The following EPHA5 variants were observed in gnomAD, a reference collection of about 807,000 sequenced individuals.
EPHA5 encodes the protein EPH receptor A5.
In EPHA5, 60 loss-of-function variants were observed where a neutral mutation model predicts 105.0. That is an observed-to-expected ratio of 0.57 (90% CI 0.46 to 0.71). The LOEUF (loss-of-function observed/expected upper bound fraction) is 0.71, where lower values mean the gene tolerates loss of function less well. Among genes scored for constraint, EPHA5 ranks in the 30% least tolerant of loss-of-function variants. EPHA5 has a pLI of 0.00. For synonymous variants in EPHA5, 513 were observed against 449.1 expected (o/e 1.14, Z -1.80); for missense variants, 1,218 against 1,274.7 (o/e 0.96, Z 0.68).
chr4:65,416,229 T>C (rs981841899), intron 6 of EPHA5, among the ~76,000 whole-genome samples: 1 of 152,058 alleles, frequency 6.6e-6, no homozygotes, highest in African/African-American at 2.4e-5. Flanking sequence ...ATTTATAATA[T>C]AAACAATTAA....
At chr4:65,663,717 T>C (rs907483230) in intron 1 of EPHA5, among the ~76,000 whole-genome samples, 12 of 152,020 alleles carry the variant, frequency 7.9e-5, no homozygotes, top group African/African-American at 2.9e-4. Flanking sequence ...GTTATTATAA[T>C]AGGAATTTAA....
chr4:65,451,581 C>T lies in EPHA5; in HGVS notation c.1403-31016G>A, dbSNP rs72641044. ...GCAATATAATGTGAGTCAAATATGT[C>T]CTTGAGCAGGGTAAAGCTGTTTTAT... On this transcript the variant is annotated intron_variant, in intron 5 of 16. Transcript: ENST00000613740. Among the ~76,000 whole-genome samples, 498 of 152,152 alleles carry T rather than the reference C, an allele frequency of 3.3e-3. 4 individuals are homozygous for T. Among genetic ancestry groups the T allele is most frequent in the Non-Finnish European group, 5.6e-3 (381 of 67,974 alleles).
Position 65,321,681 on chromosome 4 carries a change from T to A in EPHA5, c.*2433A>T. 4.4e-6 allele frequency: 1 copy of A among 229,252 alleles called. No homozygotes were observed. Among genetic ancestry groups the A allele is most frequent in the East Asian group, 6.2e-5 (1 of 16,152 alleles). 14.2% of individuals were successfully genotyped at this position (229,252 alleles called of 1,614,324 possible). The stretch of plus-strand genomic sequence containing the variant: ...GCAAATAAATTTGATCCAAATTAAT[T>A]TATATTCTTCCTTTGTTAAAAAGAG... On this transcript the variant is annotated 3_prime_UTR_variant, in exon 17 of 17. Coordinates refer to ENST00000613740, the MANE Select transcript of EPHA5 (RefSeq NM_001281766.3).
intron 7 of EPHA5, among the ~76,000 whole-genome samples, chr4:65,412,834 G>A (rs1723038568): frequency 6.6e-6 from 1 of 152,100 alleles, no homozygotes; most frequent in Non-Finnish European, 1.5e-5. Context: ...TGAAAAGCCT[G>A]AAGAAAAACC....
At chr4:65,369,295 G>A (rs1196270003) in intron 8 of EPHA5, among the ~76,000 whole-genome samples, 1 of 152,010 alleles carries the variant, frequency 6.6e-6, no homozygotes, top group African/African-American at 2.4e-5. Context: ...TTAAACAACT[G>A]GCTAAAATGA....
At chr4:65,537,716 G>A (rs1445090119) in intron 3 of EPHA5, among the ~76,000 whole-genome samples, 2 of 151,514 alleles carry the variant, frequency 1.3e-5, no homozygotes, top group South Asian at 2.1e-4. Flanking sequence ...GGAGTTCAGA[G>A]GCCAGTTAAT....
In EPHA5 at chr4:65,320,323, C is replaced by CA; in HGVS notation, c.*3790_*3791insT. The CA allele has an allele frequency of 1.3e-5, 3 of 227,134 alleles. No homozygotes were observed. The highest frequency in any genetic ancestry group is 1.7e-5 in the Non-Finnish European group (2 of 115,192). The allele number at this position is 227,134 out of a possible 1,614,324, so 14.1% of individuals were successfully genotyped here. ...AGCTAGCATTTTGATTCCATTTATT[C>CA]TTCATCATCATCATCATCATCATCA... On this transcript the variant is annotated 3_prime_UTR_variant, in exon 17 of 17. Transcript: ENST00000613740.
At chr4:65,363,312 T>G (rs1717519365) in intron 11 of EPHA5, among the ~76,000 whole-genome samples, 1 of 151,592 alleles carries the variant, frequency 6.6e-6, no homozygotes, top group South Asian at 2.1e-4. Flanking sequence ...TATAAGGTAT[T>G]CTCACCCCAT....
chr4:65,334,879 T>C (rs973954103), intron 15 of EPHA5, among the ~76,000 whole-genome samples: 1 of 151,924 alleles, frequency 6.6e-6, no homozygotes, highest in African/African-American at 2.4e-5. Context: ...TAAGAGAAAG[T>C]CTTAATATTT....
intron 3 of EPHA5, among the ~76,000 whole-genome samples, chr4:65,568,693 A>T (rs1361597078): frequency 6.6e-6 from 1 of 150,990 alleles, no homozygotes; most frequent in Non-Finnish European, 1.5e-5. Context: ...TAAATATGTC[A>T]TATCAATAGA....
At chr4:65,433,781 C>T (rs947268991) in intron 5 of EPHA5, among the ~76,000 whole-genome samples, 1 of 152,130 alleles carries the variant, frequency 6.6e-6, no homozygotes, top group African/African-American at 2.4e-5. Context: ...AGCACTTTCA[C>T]TTGGCTGGGC....
chr4:65,558,426 AGTTG>A (rs1738675852), intron 3 of EPHA5, among the ~76,000 whole-genome samples: 1 of 152,070 alleles, frequency 6.6e-6, no homozygotes, highest in African/African-American at 2.4e-5. Flanking sequence ...CATGTCTTTC[AGTTG>A]GTCATTTTAT....
intron 5 of EPHA5, among the ~76,000 whole-genome samples, chr4:65,447,291 T>G (rs1726644493): frequency 6.6e-6 from 1 of 152,058 alleles, no homozygotes. Flanking sequence ...GACTATGATA[T>G]TCACTTAGAT....
chr4:65,573,751 G>A (rs942597262), intron 3 of EPHA5: 2 of 1,608,912 alleles, frequency 1.2e-6, no homozygotes, highest in African/African-American at 2.7e-5. Context: ...CCAGTTGGTG[G>A]TGACAAGAAC....
At chr4:65,408,543 A>T (rs1471402552) in intron 7 of EPHA5, among the ~76,000 whole-genome samples, 1 of 132,174 alleles carries the variant, frequency 7.6e-6, no homozygotes, top group Non-Finnish European at 1.6e-5. Context: ...ATGAACAGAC[A>T]CTTCTCAAAA....
chr4:65,426,082 C>G (rs1724414460), intron 5 of EPHA5, among the ~76,000 whole-genome samples: 2 of 152,108 alleles, frequency 1.3e-5, no homozygotes, highest in South Asian at 4.1e-4. Flanking sequence ...TTTCTAAGAA[C>G]AGCCAGTGTG....
At chr4:65,485,556 T>C (rs766741911) in intron 5 of EPHA5, among the ~76,000 whole-genome samples, 2 of 152,166 alleles carry the variant, frequency 1.3e-5, no homozygotes, top group African/African-American at 2.4e-5. Context: ...GTTCCTAGGC[T>C]CCATAATGAT....
chr4:65,653,984 A>G (rs1206238342), intron 1 of EPHA5, among the ~76,000 whole-genome samples: 1 of 152,096 alleles, frequency 6.6e-6, no homozygotes, highest in Non-Finnish European at 1.5e-5. Flanking sequence ...AGGTCTGGCA[A>G]TGAGATATGG....
At chr4:65,359,188 C>T (rs927310356) in intron 11 of EPHA5, among the ~76,000 whole-genome samples, 1 of 151,462 alleles carries the variant, frequency 6.6e-6, no homozygotes, top group African/African-American at 2.4e-5. Context: ...ACTTGTAAAT[C>T]TCTCATTTTT....
Sources: gnomAD v4.1 joint callset for allele counts (sites outside exome capture counted in the v4.1 genomes callset) on GRCh38, gnomAD v4.1.1 for gene constraint, MANE v1.5 for transcripts, NCBI Gene and HGNC (gene_info 2026-07-23, HGNC 2026-07-21) for gene names.